Variants in MAP3K20 observed in about 807,000 individuals in gnomAD.
The protein encoded by MAP3K20 is HCCS-4.
Under a neutral mutation model 85.7 loss-of-function variants are expected in MAP3K20, and 40 were observed. That is an observed-to-expected ratio of 0.47 (90% CI 0.36 to 0.61). The LOEUF (loss-of-function observed/expected upper bound fraction) is 0.61. Ranked by LOEUF, MAP3K20 falls within the 20% of genes least tolerant of loss-of-function variation. The pLI is 0.00. For missense variants in MAP3K20, 817 were observed against 961.7 expected, an observed-to-expected ratio of 0.85 and a Z score of 1.99; for synonymous variants, 325 against 327.7, an observed-to-expected ratio of 0.99 and a Z score of 0.09.
At chr2:173,136,560 T>C (rs1028558195) in intron 2 of MAP3K20, among the ~76,000 whole-genome samples, 1 of 152,162 alleles carries the variant, frequency 6.6e-6, no homozygotes, top group African/African-American at 2.4e-5. Context: ...TTTTGAATAG[T>C]GCAAGTTCAA....
chr2:173,227,186 T>C, intron 11 of MAP3K20: 1 of 958,754 alleles, frequency 1.0e-6, no homozygotes, highest in Non-Finnish European at 1.2e-6. Flanking sequence ...AGATCCCTGT[T>C]AGATTGGATT....
chr2:173,209,861 A>C, intron 10 of MAP3K20, 26 bp downstream of exon 10: 1 of 1,588,428 alleles, frequency 6.3e-7, no homozygotes, highest in Non-Finnish European at 8.6e-7. Context: ...AGCAGGCCAC[A>C]GCGTCTGGCT....
intron 11 of MAP3K20, chr2:173,225,242 CCAGTG>C: frequency 1.6e-6 from 1 of 611,562 alleles, no homozygotes. Flanking sequence ...CATTTGCTGC[CCAGTG>C]CCAGGAATAG....
intron 9 of MAP3K20, among the ~76,000 whole-genome samples, chr2:173,209,058 G>T (rs374519905): frequency 1.8e-4 from 27 of 152,276 alleles, no homozygotes; most frequent in African/African-American, 6.5e-4. Flanking sequence ...AGTTATGATG[G>T]CTTTAAAATT....
At chr2:173,232,104 G>C in intron 12 of MAP3K20, 88 bp from the exon 13 acceptor site, 1 of 1,478,642 alleles carries the variant, frequency 6.8e-7, no homozygotes, top group Non-Finnish European at 9.4e-7. Flanking sequence ...AAGTTATTTT[G>C]ATCTATTGAA....
chr2:173,172,268 T>C (rs1381827067), intron 3 of MAP3K20, among the ~76,000 whole-genome samples: 2 of 151,524 alleles, frequency 1.3e-5, no homozygotes, highest in Non-Finnish European at 2.9e-5. Context: ...ATCATATTTA[T>C]CAAATAGTGG....
intron 2 of MAP3K20, among the ~76,000 whole-genome samples, chr2:173,145,875 A>T (rs1327907552): frequency 6.6e-6 from 1 of 152,206 alleles, no homozygotes; most frequent in Non-Finnish European, 1.5e-5. Context: ...AGGAAAATAG[A>T]TAAAGACTGT....
intron 2 of MAP3K20, among the ~76,000 whole-genome samples, chr2:173,132,405 A>C (rs1688643285): frequency 6.6e-6 from 1 of 152,086 alleles, no homozygotes. Context: ...GCTGTGTATC[A>C]GCTTTAAGAG....
Position 173,182,971 on chromosome 2 carries a change from A to C in MAP3K20, c.349+16A>C. On this transcript the variant is annotated intron_variant, in intron 4 of 19. Transcript: ENST00000375213. Reference sequence around the variant, plus strand: ...GTAGCCAAAGGTAATAATATTTGGTATATTCTTATAGAATTAGTGGGGTGC... The same window carrying C: ...GTAGCCAAAGGTAATAATATTTGGTCTATTCTTATAGAATTAGTGGGGTGC... 1 of 1,582,326 alleles carries C rather than the reference A, an allele frequency of 6.3e-7. No homozygotes were observed.
chr2:173,189,014 G>A (rs1356615853), intron 5 of MAP3K20, among the ~76,000 whole-genome samples: 1 of 152,014 alleles, frequency 6.6e-6, no homozygotes, highest in Non-Finnish European at 1.5e-5. Context: ...AATGGAGAGT[G>A]TCCCCATTTT....
intron 16 of MAP3K20, among the ~76,000 whole-genome samples, chr2:173,256,064 C>T (rs1010238953): frequency 7.9e-5 from 12 of 152,316 alleles, no homozygotes; most frequent in African/African-American, 1.7e-4. Flanking sequence ...ATCGGCTTTC[C>T]GTCTTGTGAA....
chr2:173,126,437 T>A (rs980445417), intron 2 of MAP3K20, among the ~76,000 whole-genome samples: 1 of 152,190 alleles, frequency 6.6e-6, no homozygotes, highest in Non-Finnish European at 1.5e-5. Flanking sequence ...TGGAATGCAG[T>A]GGTGTAATCT....
chr2:173,091,121 T>G lies in MAP3K20; in HGVS notation c.90T>G (p.Val30=). The change falls in exon 2 of 20, where the codon GTT becomes GTG. Residue 30 remains valine, a synonymous_variant. Transcript: ENST00000375213. ...GCGGTGGAGGAAGTTTTGGGAGTGT[T>G]TATCGAGCCAAATGGATATCACAGG... The part of the protein sequence containing the change: ...ENCGGGSFGS[V]YRAKWISQDK... 1.2e-6 allele frequency: 2 copies of G among 1,614,000 alleles called. No individual in the cohort carries two copies. Among genetic ancestry groups the G allele is most frequent in the Non-Finnish European group, 1.7e-6 (2 of 1,179,972 alleles).
rs369483053 is a variant in MAP3K20, at chr2:173,190,896, T to C, written c.417T>C (p.Val139=). ...VIHRDLKSRN[V]VIAADGVLKI... is the part of the protein sequence containing the mutation. ...ATTTATCCTTTTTTCTTTTTTTAGT[T>C]GTTATAGCTGCTGATGGAGTATTGA... Residue 139 remains valine, a splice_region_variant and synonymous_variant, in exon 6 of 20, where the codon GTT becomes GTC. Transcript: ENST00000375213. 1.1e-5 allele frequency: 17 copies of C among 1,591,716 alleles called. No homozygotes were observed. In the African/African-American group the frequency reaches 2.0e-4, roughly 19 times the overall value.
chr2:173,243,697 A>G (rs1684848259), intron 16 of MAP3K20, among the ~76,000 whole-genome samples: 1 of 152,306 alleles, frequency 6.6e-6, no homozygotes, highest in African/African-American at 2.4e-5. Context: ...GGCTCACTGC[A>G]AGCTCCGCCT....
chr2:173,190,999 G>C (rs1690632417), intron 6 of MAP3K20, 41 bp from the exon 7 acceptor site: 1 of 1,609,880 alleles, frequency 6.2e-7, no homozygotes, highest in Non-Finnish European at 8.5e-7. Flanking sequence ...CCCTTAATTA[G>C]CCAATAAGTA....
At chr2:173,152,172 G>C (rs751848900) in intron 2 of MAP3K20, among the ~76,000 whole-genome samples, 1 of 152,150 alleles carries the variant, frequency 6.6e-6, no homozygotes, top group Non-Finnish European at 1.5e-5. Flanking sequence ...ATGACCTTCT[G>C]TGTATTTTGT....
intron 16 of MAP3K20, among the ~76,000 whole-genome samples, chr2:173,254,516 A>C (rs1294983999): frequency 6.6e-6 from 1 of 152,074 alleles, no homozygotes; most frequent in African/African-American, 2.4e-5. Context: ...AAAAGGTTGC[A>C]GATATGTAAG....
At position 173,189,129 on chromosome 2, in the gene MAP3K20, A is replaced by G. The variant is rs58574444; in HGVS notation, c.415+1506A>G. ...TATAGCAATTCTTTTTCCCTTGGAA[A>G]GGTAACCAGAGTTTCACTTTCTATG... On this transcript the variant is annotated intron_variant, in intron 5 of 19. Coordinates refer to ENST00000375213, the MANE Select transcript of MAP3K20 (RefSeq NM_016653.3). Among the ~76,000 whole-genome samples, 203 of 152,300 alleles carry G rather than the reference A, an allele frequency of 1.3e-3. 4 individuals are homozygous for G. The East Asian group carries it at 0.031, about 24-fold the overall frequency.
Sources: allele counts gnomAD v4.1 joint callset (sites outside exome capture counted in the v4.1 genomes callset), GRCh38; gene constraint gnomAD v4.1.1; transcripts MANE v1.5; gene names NCBI Gene and HGNC (gene_info 2026-07-23, HGNC 2026-07-21).